UNC119B: variants seen among roughly 807,000 people sequenced by gnomAD.
The protein encoded by UNC119B is unc-119 lipid binding chaperone B.
In UNC119B, 16 loss-of-function variants were observed where a neutral mutation model predicts 23.4. The observed-to-expected ratio is 0.68, with a 90% CI of 0.46 to 1.04. UNC119B has a LOEUF of 1.04. Ranked by LOEUF, UNC119B falls within the 50% of genes least tolerant of loss-of-function variation. The probability of loss-of-function intolerance (pLI) is 0.00; values close to 1 mark genes in which losing one functional copy is unlikely to be tolerated. For synonymous variants in UNC119B, 144 were observed against 145.4 expected, an observed-to-expected ratio of 0.99 and a Z score of 0.07; for missense variants, 350 against 361.3, an observed-to-expected ratio of 0.97 and a Z score of 0.25.
Position 120,722,751 on chromosome 12 carries a change from A to C in UNC119B, c.*2719A>C, listed in dbSNP as rs1478847393. 2 of 152,248 alleles carry C rather than the reference A, an allele frequency of 1.3e-5. No individual in the cohort carries two copies. The highest frequency in any genetic ancestry group is 4.8e-5 in the African/African-American group (2 of 41,478). 9.4% of individuals were successfully genotyped at this position (152,248 alleles called of 1,614,324 possible). On this transcript the variant is annotated 3_prime_UTR_variant, in exon 5 of 5. Coordinates refer to ENST00000344651, the MANE Select transcript of UNC119B (RefSeq NM_001080533.3). ...GCCAAAATGCCCTTCTAGCTTCTCC[A>C]AAGAAGATCCGAGTTTATTTCATTC... is the stretch of plus-strand genomic sequence containing the variant.
chr12:120,721,683 C>T lies in UNC119B; in HGVS notation c.*1651C>T, dbSNP rs1300197449. 6.5e-6 allele frequency: 1 copy of T among 152,782 alleles called. No individual in the cohort carries two copies. The highest frequency in any genetic ancestry group is 1.5e-5 in the Non-Finnish European group (1 of 68,130). 9.5% of individuals were successfully genotyped at this position (152,782 alleles called of 1,614,324 possible). On this transcript the variant is annotated 3_prime_UTR_variant, in exon 5 of 5. Transcript: ENST00000344651. ...TCACTGAGAAGGTCCTAGCTTACCC[C>T]TGTGTGCTGGCCTTGGATTCAGCCC...
intron 4 of UNC119B, among the ~76,000 whole-genome samples, chr12:120,719,322 C>T (rs930758277): frequency 3.3e-5 from 5 of 152,250 alleles, no homozygotes; most frequent in Non-Finnish European, 7.3e-5. Flanking sequence ...CCTGAACAAA[C>T]AAGACTTTAC....
rs1391947852 is a variant in UNC119B at position 120,720,975 on chromosome 12, G to C, written c.*943G>C. ...GCTTCCAGGGGCTAATCTGGCTTAT[G>C]TTGGGAGGATATGCTTACGAATCAG... On this transcript the variant is annotated 3_prime_UTR_variant, in exon 5 of 5. Coordinates refer to ENST00000344651, the MANE Select transcript of UNC119B (RefSeq NM_001080533.3). 1 of 152,248 alleles carries C rather than the reference G, an allele frequency of 6.6e-6. No individual in the cohort carries two copies. Among genetic ancestry groups the C allele is most frequent in the Non-Finnish European group, 1.5e-5 (1 of 68,072 alleles). The allele number at this position is 152,248 out of a possible 1,614,324, so 9.4% of individuals were successfully genotyped here. A position where few individuals can be genotyped will look rare whatever the true frequency, so the allele number is the denominator to read the frequency against.
Position 120,710,573 on chromosome 12 carries a change from C to T in UNC119B, c.99C>T (p.Gly33=), listed in dbSNP as rs1269391483. The stretch of plus-strand genomic sequence containing the variant: ...AGGAGAAGAAGAAGGCGGGCGGCGG[C>T]GTCCTGAACCGCCTGAAGGCGCGGC... ...GKEEKKKAGG[G]VLNRLKARRQ... is the part of the protein sequence containing the mutation. The change falls in exon 1 of 5, where the codon GGC becomes GGT. Residue 33 remains glycine (G), a synonymous_variant. Coordinates refer to ENST00000344651, the MANE Select transcript of UNC119B (RefSeq NM_001080533.3). 6 of 1,395,338 alleles carry T rather than the reference C, an allele frequency of 4.3e-6. No individual in the cohort carries two copies. The highest frequency in any genetic ancestry group is 3.5e-5 in the Admixed American group (1 of 28,802). The allele number at this position is 1,395,338 out of a possible 1,614,324, so 86.4% of individuals were successfully genotyped here. A position where few individuals can be genotyped will look rare whatever the true frequency, so the allele number is the denominator to read the frequency against.
chr12:120,720,741 A>G lies in UNC119B; in HGVS notation c.*709A>G, dbSNP rs1291374998. 6.6e-6 allele frequency: 1 copy of G among 152,280 alleles called. No homozygotes were observed. Among genetic ancestry groups the G allele is most frequent in the Non-Finnish European group, 1.5e-5 (1 of 68,070 alleles). The allele number at this position is 152,280 out of a possible 1,614,324, so 9.4% of individuals were successfully genotyped here. A position where few individuals can be genotyped will look rare whatever the true frequency, so the allele number is the denominator to read the frequency against. ...TCTGTTCCCATTTTGGAGGACAGAC[A>G]AGCTTGCTCCACATCTCCTGGCTCC... On this transcript the variant is annotated 3_prime_UTR_variant, in exon 5 of 5. Coordinates refer to ENST00000344651, the MANE Select transcript of UNC119B (RefSeq NM_001080533.3).
intron 1 of UNC119B, among the ~76,000 whole-genome samples, chr12:120,712,092 T>C (rs1882683217): frequency 6.6e-6 from 1 of 152,190 alleles, no homozygotes. Context: ...GTTAGGGTAT[T>C]CTGTGCCTGG....
chr12:120,722,924 A>T lies in UNC119B; in HGVS notation c.*2892A>T, dbSNP rs1882943694. ...CTGAAGACACCTCAGTCTTTGGGCC[A>T]TTTGATTTCCAATACATAGGGTGGA... On this transcript the variant is annotated 3_prime_UTR_variant, in exon 5 of 5. Coordinates refer to ENST00000344651, the MANE Select transcript of UNC119B (RefSeq NM_001080533.3). 2.0e-5 allele frequency: 3 copies of T among 152,434 alleles called. No individual in the cohort carries two copies. Among genetic ancestry groups the T allele is most frequent in the Non-Finnish European group, 4.4e-5 (3 of 68,206 alleles). The allele number at this position is 152,434 out of a possible 1,614,324, so 9.4% of individuals were successfully genotyped here.
intron 1 of UNC119B, chr12:120,711,455 T>A (rs1009056651): frequency 2.0e-5 from 3 of 152,228 alleles, no homozygotes; most frequent in Non-Finnish European, 2.9e-5. Flanking sequence ...CATCCTAAGC[T>A]TTTTCGTTGA....
intron 2 of UNC119B, among the ~76,000 whole-genome samples, chr12:120,713,697 A>T (rs960197799): frequency 6.6e-6 from 1 of 152,206 alleles, no homozygotes; most frequent in Non-Finnish European, 1.5e-5. Context: ...GAGGCCTACA[A>T]TTCCCAGGCG....
intron 1 of UNC119B, chr12:120,711,044 G>T: frequency 4.8e-6 from 1 of 210,360 alleles, no homozygotes; most frequent in Non-Finnish European, 9.4e-6. Flanking sequence ...GAGCCGGCCG[G>T]GGGCCGAGGT....
At position 120,720,153 on chromosome 12, in the gene UNC119B, T is replaced by C; in HGVS notation, c.*121T>C. On this transcript the variant is annotated 3_prime_UTR_variant, in exon 5 of 5. Transcript: ENST00000344651. ...GAACCTGGCCCCAGGAAGCCAAGGC[T>C]GGGGTGGCAGTTTCCTGCGCGCCAA... 1 of 726,098 alleles carries C rather than the reference T, an allele frequency of 1.4e-6. No individual in the cohort carries two copies. The highest frequency in any genetic ancestry group is 1.8e-5 in the South Asian group (1 of 55,822). 45.0% of individuals were successfully genotyped at this position (726,098 alleles called of 1,614,324 possible).
chr12:120,720,068 C>G lies in UNC119B; in HGVS notation c.*36C>G. 6.8e-7 allele frequency: 1 copy of G among 1,476,070 alleles called. No homozygotes were observed. The highest frequency in any genetic ancestry group is 9.5e-7 in the Non-Finnish European group (1 of 1,056,908). 91.4% of individuals were successfully genotyped at this position (1,476,070 alleles called of 1,614,324 possible). On this transcript the variant is annotated 3_prime_UTR_variant, in exon 5 of 5. Transcript: ENST00000344651. ...AGTAGATAGGGGAGGTGCTTTGCCG[C>G]GGCCACAAGATCCTGGCACACGGAG...
chr12:120,711,781 T>G (rs898059511), intron 1 of UNC119B: 2 of 152,232 alleles, frequency 1.3e-5, no homozygotes, highest in African/African-American at 4.8e-5. Context: ...CTCTAGTAAT[T>G]TGGGGATGGA....
At chr12:120,716,483 T>C in intron 2 of UNC119B, 145 bp from the exon 3 acceptor site, 1 of 829,662 alleles carries the variant, frequency 1.2e-6, no homozygotes, top group Non-Finnish European at 2.1e-6. Context: ...TCCTGCTATA[T>C]AGCAAGTGCG....
At chr12:120,718,978 G>A (rs510900) in intron 4 of UNC119B, among the ~76,000 whole-genome samples, 5,587 of 152,290 alleles carry the variant, frequency 0.037, 213 homozygotes, top group African/African-American at 0.086. Flanking sequence ...AAAAGATGAT[G>A]TATAGTGTTA....
At chr12:120,714,970 T>G (rs1882744726) in intron 2 of UNC119B, among the ~76,000 whole-genome samples, 1 of 152,116 alleles carries the variant, frequency 6.6e-6, no homozygotes, top group Non-Finnish European at 1.5e-5. Flanking sequence ...GGCAGATCAC[T>G]TGAGCCCCAG....
At position 120,720,143 on chromosome 12, in the gene UNC119B, A is replaced by C; in HGVS notation, c.*111A>C. The stretch of plus-strand genomic sequence containing the variant: ...CACACATCTGGAACCTGGCCCCAGG[A>C]AGCCAAGGCTGGGGTGGCAGTTTCC... On this transcript the variant is annotated 3_prime_UTR_variant, in exon 5 of 5. Transcript: ENST00000344651. The C allele has an allele frequency of 1.2e-6, 1 of 802,170 alleles. No homozygotes were observed. Among genetic ancestry groups the C allele is most frequent in the Non-Finnish European group, 2.0e-6 (1 of 498,716 alleles). 49.7% of individuals were successfully genotyped at this position (802,170 alleles called of 1,614,324 possible).
At chr12:120,716,494 C>A in intron 2 of UNC119B, 134 bp from the exon 3 acceptor site, 3 of 894,196 alleles carry the variant, frequency 3.4e-6, no homozygotes, top group Non-Finnish European at 5.6e-6. Flanking sequence ...AGCAAGTGCG[C>A]AGTAAACACT....
chr12:120,717,130 A>G, intron 4 of UNC119B, 88 bp downstream of exon 4: 1 of 1,362,100 alleles, frequency 7.3e-7, no homozygotes, highest in Non-Finnish European at 1.0e-6. Context: ...GCGCCCTGGC[A>G]TTGTCTCGTG....
Sources: allele counts gnomAD v4.1 joint callset (sites outside exome capture counted in the v4.1 genomes callset), GRCh38; gene constraint gnomAD v4.1.1; transcripts MANE v1.5; gene names NCBI Gene and HGNC (gene_info 2026-07-23, HGNC 2026-07-21).